The following SYCP1 variants were observed in gnomAD, a reference collection of about 807,000 sequenced individuals.
SYCP1 encodes cancer/testis antigen 8.
In SYCP1, 64 loss-of-function variants were observed where a neutral mutation model predicts 153.1. That is an observed-to-expected ratio of 0.42 (90% CI 0.34 to 0.51). The LOEUF (loss-of-function observed/expected upper bound fraction) is 0.51. Among genes scored for constraint, SYCP1 ranks in the 20% least tolerant of loss-of-function variants. The probability of loss-of-function intolerance (pLI) is 0.06; values close to 1 mark genes in which losing one functional copy is unlikely to be tolerated. For missense variants in SYCP1, 997 were observed against 1,049.0 expected (o/e 0.95, Z 0.68); for synonymous variants, 384 against 341.8 (o/e 1.12, Z -1.36).
chr1:114,959,591 A>G (rs1329969538), intron 27 of SYCP1, among the ~76,000 whole-genome samples: 2 of 152,180 alleles, frequency 1.3e-5, no homozygotes, highest in East Asian at 1.9e-4. Context: ...CAATCCAATT[A>G]TACTTTTAGT....
intron 16 of SYCP1, among the ~76,000 whole-genome samples, chr1:114,898,752 C>T (rs1206987585): frequency 6.6e-6 from 1 of 152,110 alleles, no homozygotes; most frequent in African/African-American, 2.4e-5. Flanking sequence ...GCATAAAGTA[C>T]AGCAAGAATA....
At chr1:114,985,064 T>C (rs1673407260) in intron 30 of SYCP1, among the ~76,000 whole-genome samples, 196 bp downstream of exon 30, 1 of 151,788 alleles carries the variant, frequency 6.6e-6, no homozygotes, top group Non-Finnish European at 1.5e-5. Context: ...AATTTCCCTG[T>C]AAATTTCAGA....
chr1:114,946,200 C>G, intron 25 of SYCP1, 89 bp from the exon 26 acceptor site: 1 of 464,110 alleles, frequency 2.2e-6, no homozygotes, highest in Non-Finnish European at 3.3e-6. Context: ...TAATTAAATA[C>G]TAAATTAAAT....
chr1:114,937,223 C>T (rs568423184), intron 23 of SYCP1, among the ~76,000 whole-genome samples: 7 of 151,960 alleles, frequency 4.6e-5, no homozygotes, highest in Admixed American at 3.9e-4. Flanking sequence ...CAGAACAGAG[C>T]CCTCAGAAAT....
intron 8 of SYCP1, among the ~76,000 whole-genome samples, chr1:114,866,260 G>A (rs1664736947): frequency 6.6e-6 from 1 of 152,210 alleles, no homozygotes. Flanking sequence ...TTGCCAAACT[G>A]TCTTCCAAAG....
chr1:114,929,031 G>A (rs1453364178), intron 23 of SYCP1, among the ~76,000 whole-genome samples: 1 of 152,074 alleles, frequency 6.6e-6, no homozygotes, highest in East Asian at 1.9e-4. Context: ...GTCTCAAATG[G>A]CAGAAGGGAC....
intron 16 of SYCP1, among the ~76,000 whole-genome samples, chr1:114,908,466 C>G (rs1667965358): frequency 1.3e-5 from 2 of 152,074 alleles, no homozygotes; most frequent in Admixed American, 1.3e-4. Flanking sequence ...GCTGTCTTCT[C>G]CTTCTAAGAT....
chr1:114,979,202 C>T (rs1210550089), intron 28 of SYCP1, among the ~76,000 whole-genome samples: 3 of 149,608 alleles, frequency 2.0e-5, no homozygotes, highest in Non-Finnish European at 4.5e-5. Flanking sequence ...ATTTACCAAA[C>T]GTTTCTGAGT....
intron 15 of SYCP1, among the ~76,000 whole-genome samples, chr1:114,891,236 T>C (rs977804361): frequency 6.6e-6 from 1 of 152,192 alleles, no homozygotes; most frequent in Non-Finnish European, 1.5e-5. Context: ...TTTTAACCTA[T>C]GTACTGCTCA....
chr1:114,870,327 A>G (rs961249996), intron 8 of SYCP1, among the ~76,000 whole-genome samples: 2 of 152,172 alleles, frequency 1.3e-5, no homozygotes, highest in Non-Finnish European at 2.9e-5. Flanking sequence ...AAGCATTTTG[A>G]AATGGCCCTC....
At chr1:114,987,303 A>T (rs1216598031) in intron 30 of SYCP1, among the ~76,000 whole-genome samples, 4 of 152,026 alleles carry the variant, frequency 2.6e-5, no homozygotes, top group Non-Finnish European at 5.9e-5. Flanking sequence ...AAACAAAAAC[A>T]GAAAATCCCG....
At position 114,910,394 on chromosome 1, in the gene SYCP1, T is replaced by C. The variant is rs1054356795; in HGVS notation, c.1321-3T>C. ...TTCCTGATTTGTTAATGTTTATAAA[T>C]AGGGAGAAAAGGAAACACTTTTATA... On this transcript the variant is annotated splice_region_variant and splice_polypyrimidine_tract_variant and intron_variant, in intron 16 of 31. Coordinates refer to ENST00000369522, the MANE Select transcript of SYCP1 (RefSeq NM_003176.4). 1 of 1,569,114 alleles carries C rather than the reference T, an allele frequency of 6.4e-7. No individual in the cohort carries two copies. Among genetic ancestry groups the C allele is most frequent in the Non-Finnish European group, 8.7e-7 (1 of 1,149,724 alleles).
intron 8 of SYCP1, chr1:114,862,895 A>C (rs1664474098): frequency 6.6e-6 from 1 of 151,824 alleles, no homozygotes. Flanking sequence ...TTATTCATTC[A>C]TTCAATATTT....
intron 8 of SYCP1, among the ~76,000 whole-genome samples, chr1:114,867,676 T>C (rs360626): frequency 0.19 from 28,258 of 152,070 alleles, 3,141 homozygotes; most frequent in East Asian, 0.45. Context: ...TTTCAAATTC[T>C]CTGTATAGAC....
chr1:114,895,910 T>G (rs2101599774), intron 16 of SYCP1, among the ~76,000 whole-genome samples: 1 of 152,228 alleles, frequency 6.6e-6, no homozygotes, highest in East Asian at 1.9e-4. Context: ...GGGTAAAATT[T>G]CATTGTATTT....
intron 27 of SYCP1, among the ~76,000 whole-genome samples, chr1:114,969,174 G>A (rs996834815): frequency 3.9e-5 from 6 of 152,298 alleles, no homozygotes; most frequent in Admixed American, 1.3e-4. Flanking sequence ...CCCACTTGAG[G>A]AGGCAGTCTG....
At chr1:114,987,377 A>G (rs1052800309) in intron 30 of SYCP1, among the ~76,000 whole-genome samples, 2 of 152,024 alleles carry the variant, frequency 1.3e-5, no homozygotes, top group African/African-American at 4.8e-5. Flanking sequence ...CCAGTTTTCA[A>G]CAACAAGGGC....
At chr1:114,897,067 G>C (rs1442160282) in intron 16 of SYCP1, among the ~76,000 whole-genome samples, 1 of 152,190 alleles carries the variant, frequency 6.6e-6, no homozygotes, top group East Asian at 1.9e-4. Context: ...CCAGTGCACA[G>C]GCTGGTCGGA....
intron 30 of SYCP1, among the ~76,000 whole-genome samples, chr1:114,993,268 ATTGAATTCTGTTGAAATCT>A (rs559029272): frequency 6.6e-6 from 1 of 151,674 alleles, no homozygotes; most frequent in East Asian, 1.9e-4. Flanking sequence ...TGACTTATTT[ATTGAATTCTGTTGAAATCT>A]TAGATTTATA....
Sources: gnomAD v4.1 joint callset for allele counts (sites outside exome capture counted in the v4.1 genomes callset) on GRCh38, gnomAD v4.1.1 for gene constraint, MANE v1.5 for transcripts, NCBI Gene and HGNC (gene_info 2026-07-23, HGNC 2026-07-21) for gene names.